CAMK2D: variants seen among roughly 807,000 people sequenced by gnomAD.
CAMK2D encodes the protein calcium/calmodulin-dependent protein kinase type II subunit delta.
CAMK2D carries 37 observed loss-of-function variants against 84.0 expected under a neutral mutation model. That is an observed-to-expected ratio of 0.44 (90% CI 0.34 to 0.58). The LOEUF (loss-of-function observed/expected upper bound fraction) is 0.58, where lower values mean the gene tolerates loss of function less well. CAMK2D is among the 20% of genes least tolerant of loss of function. CAMK2D has a pLI of 0.02. For missense variants in CAMK2D, 448 were observed against 652.5 expected, an observed-to-expected ratio of 0.69 and a Z score of 3.41; for synonymous variants, 202 against 212.5, an observed-to-expected ratio of 0.95 and a Z score of 0.43.
intron 5 of CAMK2D, 148 bp from the exon 6 acceptor site, chr4:113,547,864 G>C (rs184283986): frequency 6.1e-4 from 285 of 470,668 alleles, no homozygotes; most frequent in Non-Finnish European, 9.2e-4. Flanking sequence ...TATTGCTCAA[G>C]TAGAGTGACT....
At chr4:113,457,167 T>G (rs2097312822) in intron 19 of CAMK2D, 168 bp downstream of exon 19, 1 of 1,437,872 alleles carries the variant, frequency 7.0e-7, no homozygotes, top group African/African-American at 1.4e-5. Context: ...CTGATCTGAT[T>G]GATCTTTCCA....
chr4:113,484,837 A>G (rs1048456322), intron 16 of CAMK2D, among the ~76,000 whole-genome samples: 8 of 152,190 alleles, frequency 5.3e-5, no homozygotes, highest in Admixed American at 2.0e-4. Context: ...CCCAGGAGCA[A>G]AAGATGATTC....
chr4:113,726,374 C>CTTTTTTTTTTTTTTTTT (rs34696947), intron 2 of CAMK2D, among the ~76,000 whole-genome samples: 2 of 69,544 alleles, frequency 2.9e-5, no homozygotes, highest in African/African-American at 5.6e-5. Flanking sequence ...TTTGCTTGGG[C>CTTTTTTTTTTTTTTTTT]TTTTTTTTTT....
chr4:113,562,603 A>C (rs1000857038), intron 4 of CAMK2D, among the ~76,000 whole-genome samples: 16 of 152,318 alleles, frequency 1.1e-4, no homozygotes, highest in African/African-American at 3.6e-4. Context: ...GGAGCAACAG[A>C]TTTATACTTA....
chr4:113,689,889 CGTT>C (rs1358265129), intron 2 of CAMK2D, among the ~76,000 whole-genome samples: 2 of 152,152 alleles, frequency 1.3e-5, no homozygotes, highest in African/African-American at 4.8e-5. Context: ...GCAGGGAACA[CGTT>C]GTCTTGTTTA....
At chr4:113,668,368 A>C (rs1404031006) in intron 2 of CAMK2D, among the ~76,000 whole-genome samples, 2 of 152,184 alleles carry the variant, frequency 1.3e-5, no homozygotes, top group Non-Finnish European at 2.9e-5. Flanking sequence ...ACTAACTACT[A>C]GCTAGGTGTC....
chr4:113,601,081 G>A (rs1472875744), intron 4 of CAMK2D, among the ~76,000 whole-genome samples: 1 of 152,102 alleles, frequency 6.6e-6, no homozygotes, highest in Non-Finnish European at 1.5e-5. Context: ...TATTTATCAC[G>A]AAGAACCTAC....
chr4:113,516,468 C>T (rs2098284836), intron 9 of CAMK2D, among the ~76,000 whole-genome samples: 1 of 152,122 alleles, frequency 6.6e-6, no homozygotes, highest in African/African-American at 2.4e-5. Flanking sequence ...TACGTCTGCC[C>T]AGAGAGGGGC....
rs548886514 is a variant in CAMK2D at position 113,509,009 on chromosome 4, A to ACAAT, written c.984+625_984+628dup. On this transcript the variant is annotated intron_variant, in intron 13 of 20. Coordinates refer to ENST00000511664, the MANE Select transcript of CAMK2D (RefSeq NM_001321571.2). ...AGAGTAAATCCCCTTGAAACAAAAT[A>ACAAT]CAATCAGTAGGAAAGAAACTGTATT... Among the ~76,000 whole-genome samples, 40 of 152,230 alleles carry ACAAT rather than the reference A, an allele frequency of 2.6e-4. No individual in the cohort carries two copies. In the East Asian group the frequency reaches 4.4e-3, roughly 17 times the overall value.
chr4:113,632,659 CTAA>C (rs1226210661), intron 3 of CAMK2D, among the ~76,000 whole-genome samples: 2 of 151,918 alleles, frequency 1.3e-5, no homozygotes, highest in Non-Finnish European at 2.9e-5. Context: ...GCAGAGAGAG[CTAA>C]TAATATTCAT....
chr4:113,574,320 G>A (rs950083954), intron 4 of CAMK2D, among the ~76,000 whole-genome samples: 1 of 152,130 alleles, frequency 6.6e-6, no homozygotes, highest in Admixed American at 6.6e-5. Context: ...TGCTGCCATG[G>A]TTATTGTTCA....
intron 4 of CAMK2D, among the ~76,000 whole-genome samples, chr4:113,603,118 A>G (rs2098960239): frequency 6.6e-6 from 1 of 152,026 alleles, no homozygotes; most frequent in East Asian, 1.9e-4. Context: ...GTGCCTAGAA[A>G]CCATGCTAGG....
intron 3 of CAMK2D, among the ~76,000 whole-genome samples, chr4:113,619,294 A>G (rs1231278324): frequency 1.3e-5 from 2 of 152,160 alleles, no homozygotes; most frequent in African/African-American, 4.8e-5. Flanking sequence ...TGGCAAGTCC[A>G]GTAGCCTCCT....
At chr4:113,700,258 C>T (rs1257922147) in intron 2 of CAMK2D, among the ~76,000 whole-genome samples, 1 of 152,148 alleles carries the variant, frequency 6.6e-6, no homozygotes, top group African/African-American at 2.4e-5. Context: ...TCCATCTTTA[C>T]TTTTGTCAAT....
intron 4 of CAMK2D, among the ~76,000 whole-genome samples, chr4:113,590,239 C>T (rs1195847515): frequency 1.3e-5 from 2 of 152,054 alleles, no homozygotes; most frequent in East Asian, 3.9e-4. Flanking sequence ...GAGCAAGACA[C>T]TGAGAAAACA....
intron 2 of CAMK2D, among the ~76,000 whole-genome samples, chr4:113,725,603 A>C (rs2099543618): frequency 6.6e-6 from 1 of 152,144 alleles, no homozygotes; most frequent in South Asian, 2.1e-4. Flanking sequence ...TGCTTATAAC[A>C]AATCACTTAT....
intron 2 of CAMK2D, among the ~76,000 whole-genome samples, chr4:113,749,173 T>C (rs73845554): frequency 0.012 from 1,783 of 151,424 alleles, 33 homozygotes; most frequent in African/African-American, 0.041. Context: ...TAATATATAA[T>C]ATTAAATATA....
chr4:113,473,062 A>T (rs1429811134), intron 16 of CAMK2D, among the ~76,000 whole-genome samples: 1 of 152,164 alleles, frequency 6.6e-6, no homozygotes, highest in East Asian at 1.9e-4. Context: ...TTTCCAGCCC[A>T]CAGTGCTTTA....
rs760746965 is a variant in CAMK2D, at chr4:113,562,724, CAAA to C, written c.276-10631_276-10629del. 5.3e-5 allele frequency among the ~76,000 whole-genome samples: 8 copies of C among 152,104 alleles called. No homozygotes were observed. The South Asian group carries it at 8.3e-4, about 16-fold the overall frequency. The stretch of plus-strand genomic sequence containing the variant: ...TTTAATAATCAATTGTTCATTGAAT[CAAA>C]AAACATTTGTTGCTTTTTATGTGCA... On this transcript the variant is annotated intron_variant, in intron 4 of 20. Coordinates refer to ENST00000511664, the MANE Select transcript of CAMK2D (RefSeq NM_001321571.2).
Sources: gnomAD v4.1 joint callset for allele counts (sites outside exome capture counted in the v4.1 genomes callset) on GRCh38, gnomAD v4.1.1 for gene constraint, MANE v1.5 for transcripts, NCBI Gene and HGNC (gene_info 2026-07-23, HGNC 2026-07-21) for gene names.